PAX8: variants seen among roughly 807,000 people sequenced by gnomAD.
PAX8 encodes the protein paired box 8, also known as paired box protein Pax-8.
Under a neutral mutation model 52.4 loss-of-function variants are expected in PAX8, and 15 were observed. That is an observed-to-expected ratio of 0.29 (90% CI 0.19 to 0.44). The LOEUF (loss-of-function observed/expected upper bound fraction) is 0.44, where lower values mean the gene tolerates loss of function less well. Ranked by LOEUF, PAX8 falls within the 20% of genes least tolerant of loss-of-function variation. The pLI is 1.00. For synonymous variants in PAX8, 284 were observed against 249.7 expected (o/e 1.14, Z -1.29); for missense variants, 554 against 602.5 (o/e 0.92, Z 0.84).
chr2:113,252,271 C>T (rs1485925159), intron 2 of PAX8, among the ~76,000 whole-genome samples: 1 of 152,192 alleles, frequency 6.6e-6, no homozygotes, highest in Non-Finnish European at 1.5e-5. Context: ...GCCTATACGC[C>T]TTCCACAAAG....
chr2:113,271,628 C>G (rs1005478900), intron 2 of PAX8: 2 of 150,636 alleles, frequency 1.3e-5, no homozygotes, highest in African/African-American at 4.9e-5. Context: ...CTCTGCCTGT[C>G]ACTGCCAGCA....
At chr2:113,246,137 TGCTGGGGGCGGATGG>T (rs1691303062) in intron 3 of PAX8, among the ~76,000 whole-genome samples, 1 of 152,220 alleles carries the variant, frequency 6.6e-6, no homozygotes, top group Non-Finnish European at 1.5e-5. Context: ...TAGAGTCACT[TGCTGGGGGCGGATGG>T]GCTGGGGAGT....
At chr2:113,226,415 T>C (rs1412433592) in intron 10 of PAX8, 1 of 986,048 alleles carries the variant, frequency 1.0e-6, no homozygotes, top group Non-Finnish European at 1.2e-6. Flanking sequence ...AATTGAGACT[T>C]GCCCAAGGAA....
rs1307223785 is a variant in PAX8 at position 113,235,386 on chromosome 2, T to C, written c.1087+8A>G. The C allele has an allele frequency of 1.3e-6, 2 of 1,564,782 alleles. No individual in the cohort carries two copies. The highest frequency in any genetic ancestry group is 1.9e-5 in the Admixed American group (1 of 52,348). On this transcript the variant is annotated splice_region_variant and intron_variant, in intron 9 of 11. Transcript: ENST00000429538. ...TAGCTGCATGGCCCCGGGACCTCCCTGTCGTACCTGAGAGGAGGGCCTGGC... is the reference window on the plus strand; with the variant it reads ...TAGCTGCATGGCCCCGGGACCTCCCCGTCGTACCTGAGAGGAGGGCCTGGC...
intron 10 of PAX8, among the ~76,000 whole-genome samples, chr2:113,222,896 G>A (rs1386345115): frequency 6.6e-6 from 1 of 151,706 alleles, no homozygotes; most frequent in Non-Finnish European, 1.5e-5. Context: ...TCATGCCTTT[G>A]GGTTTGTGAT....
At position 113,220,145 on chromosome 2, in the gene PAX8, G is replaced by T. The variant is rs570158369; in HGVS notation, c.1223C>A (p.Thr408Asn). Reference protein sequence around the residue: ...SEYSGNAYGHTPYSSYSEAWR... With the variant: ...SEYSGNAYGHNPYSSYSEAWR... Reference sequence around the variant, plus strand: ...GGCCTCGCTGTAGGAGGAGTAGGGGGTGTGGCCATAGGCATTGCCAGAGTA... The same window carrying T: ...GGCCTCGCTGTAGGAGGAGTAGGGGTTGTGGCCATAGGCATTGCCAGAGTA... Residue 408 changes from threonine (T) to asparagine (N), a missense_variant, in exon 11 of 12, where the codon ACC (threonine) becomes AAC (asparagine). Physicochemically the swap from Thr to Asn is moderately conservative, Grantham distance 65. This residue lies in a region of PAX8 where 445 missense variants were observed against 409.9 expected (regional missense o/e 1.09). Transcript: ENST00000429538. 3 of 1,614,000 alleles carry T rather than the reference G, an allele frequency of 1.9e-6. No homozygotes were observed. Among genetic ancestry groups the T allele is most frequent in the Admixed American group, 3.3e-5 (2 of 60,020 alleles).
In PAX8 at chr2:113,226,359, A is replaced by G. The variant is rs1689568392; in HGVS notation, c.1189+796T>C. On this transcript the variant is annotated intron_variant, in intron 10 of 11. Coordinates refer to ENST00000429538, the MANE Select transcript of PAX8 (RefSeq NM_003466.4). ...CTTTTTGACCAGTGACAATGGCTCA[A>G]TTATGTCTCATCCATCCCAAAGTCT... 3.0e-6 allele frequency: 3 copies of G among 985,570 alleles called. No homozygotes were observed. In the African/African-American group the frequency reaches 5.2e-5, roughly 17 times the overall value. The allele number at this position is 985,570 out of a possible 1,614,324, so 61.1% of individuals were successfully genotyped here.
At chr2:113,219,136 T>C (rs951221571) in intron 11 of PAX8, among the ~76,000 whole-genome samples, 1 of 152,198 alleles carries the variant, frequency 6.6e-6, no homozygotes, top group Non-Finnish European at 1.5e-5. Flanking sequence ...GCATGTCTCA[T>C]TGCCCTCGTC....
intron 8 of PAX8, 114 bp downstream of exon 8, chr2:113,236,487 C>T (rs1383443300): frequency 1.0e-5 from 13 of 1,288,268 alleles, no homozygotes; most frequent in Non-Finnish European, 6.3e-6. Flanking sequence ...GCGGCCCGGC[C>T]GGCACAGCCC....
intron 2 of PAX8, among the ~76,000 whole-genome samples, chr2:113,277,781 C>A (rs1376055946): frequency 6.6e-6 from 1 of 152,180 alleles, no homozygotes; most frequent in African/African-American, 2.4e-5. Flanking sequence ...GCGGCTTAGT[C>A]CTCACCAGCC....
intron 2 of PAX8, chr2:113,267,232 G>C (rs1048973438): frequency 2.0e-5 from 3 of 152,412 alleles, no homozygotes; most frequent in African/African-American, 7.2e-5. Flanking sequence ...CATTCTTGGG[G>C]GACCTTGAGG....
chr2:113,243,592 A>G (rs1392688658), intron 4 of PAX8, among the ~76,000 whole-genome samples: 1 of 152,124 alleles, frequency 6.6e-6, no homozygotes, highest in African/African-American at 2.4e-5. Context: ...GGGTTTCACC[A>G]TGTTGGCCAG....
At position 113,235,434 on chromosome 2, in the gene PAX8, G is replaced by A; in HGVS notation, c.1047C>T (p.Ala349=). ...GGCCCGTGAACTGCCCGTACACGGAGGCAGCATGGGGAAAGGCATTGAAGG... is the reference window on the plus strand; with the variant it reads ...GGCCCGTGAACTGCCCGTACACGGAAGCAGCATGGGGAAAGGCATTGAAGG... ...VPPFNAFPHA[A]SVYGQFTGQA... is the part of the protein sequence containing the mutation. Residue 349 remains alanine (A), a synonymous_variant, in exon 9 of 12, where the codon GCC becomes GCT. Coordinates refer to ENST00000429538, the MANE Select transcript of PAX8 (RefSeq NM_003466.4). The A allele has an allele frequency of 6.2e-7, 1 of 1,606,276 alleles. No individual in the cohort carries two copies. Among genetic ancestry groups the A allele is most frequent in the Non-Finnish European group, 8.5e-7 (1 of 1,176,392 alleles).
intron 2 of PAX8, among the ~76,000 whole-genome samples, chr2:113,261,668 A>C (rs1692690066): frequency 1.3e-5 from 2 of 152,242 alleles, no homozygotes; most frequent in African/African-American, 2.4e-5. Flanking sequence ...TGGCAGAACC[A>C]AGAAAGAACC....
At chr2:113,254,470 G>C (rs73955185) in intron 2 of PAX8, among the ~76,000 whole-genome samples, 9,968 of 152,164 alleles carry the variant, frequency 0.066, 505 homozygotes, top group Middle Eastern at 0.15. Flanking sequence ...CTGAGTGGAA[G>C]GTGAGTAGGA....
intron 2 of PAX8, among the ~76,000 whole-genome samples, chr2:113,254,085 C>T (rs1009194204): frequency 1.3e-5 from 2 of 152,282 alleles, no homozygotes; most frequent in East Asian, 3.9e-4. Context: ...TTTCCATTCT[C>T]TGCATATGGA....
intron 11 of PAX8, among the ~76,000 whole-genome samples, chr2:113,219,509 G>A (rs2104412286): frequency 6.6e-6 from 1 of 152,340 alleles, no homozygotes. Context: ...GCTCGCTGAA[G>A]CTCACTCTCT....
At chr2:113,246,731 C>T (rs1286824065) in intron 3 of PAX8, 23 bp downstream of exon 3, 1 of 1,608,674 alleles carries the variant, frequency 6.2e-7, no homozygotes, top group South Asian at 1.1e-5. Context: ...GGGAAGGCGG[C>T]CTGCGGTGAA....
At position 113,243,163 on chromosome 2, in the gene PAX8, C is replaced by T. The variant is rs554595156; in HGVS notation, c.390-385G>A. ...TGTTCCAGGGTCACTCAGTGGCCCA[C>T]GCCCATCCCCTCTTGGCCCTTTCTA... On this transcript the variant is annotated intron_variant, in intron 4 of 11. Transcript: ENST00000429538. Among the ~76,000 whole-genome samples, 22 of 152,304 alleles carry T rather than the reference C, an allele frequency of 1.4e-4. No individual in the cohort carries two copies. In the South Asian group the frequency reaches 4.4e-3, roughly 30 times the overall value.
Sources: allele counts gnomAD v4.1 joint callset (sites outside exome capture counted in the v4.1 genomes callset), GRCh38; gene constraint gnomAD v4.1.1; regional missense constraint gnomAD v4.1.1; transcripts MANE v1.5; gene names NCBI Gene and HGNC (gene_info 2026-07-23, HGNC 2026-07-21).